NEGR1: variants seen among roughly 807,000 people sequenced by gnomAD.
The protein encoded by NEGR1 is neuronal growth regulator 1.
Under a neutral mutation model 40.9 loss-of-function variants are expected in NEGR1, and 10 were observed. The ratio of observed to expected loss-of-function variants is 0.24; its 90% confidence interval spans 0.15 to 0.42. The LOEUF (loss-of-function observed/expected upper bound fraction) is 0.42, where lower values mean the gene tolerates loss of function less well. Among genes scored for constraint, NEGR1 ranks in the 10% least tolerant of loss-of-function variants. NEGR1 has a pLI of 1.00. For missense variants in NEGR1, 352 were observed against 438.9 expected, an observed-to-expected ratio of 0.80 and a Z score of 1.77; for synonymous variants, 185 against 166.8, an observed-to-expected ratio of 1.11 and a Z score of -0.84.
At chr1:72,238,286 G>C (rs79644940) in intron 1 of NEGR1, among the ~76,000 whole-genome samples, 5,499 of 151,872 alleles carry the variant, frequency 0.036, 328 homozygotes, top group African/African-American at 0.13. Context: ...TAGAAGGAGA[G>C]ATAGGAATAT....
chr1:71,958,710 C>T (rs1039322454), intron 1 of NEGR1, among the ~76,000 whole-genome samples: 5 of 152,090 alleles, frequency 3.3e-5, no homozygotes, highest in African/African-American at 1.2e-4. Flanking sequence ...AATCCCAGCA[C>T]TGGGAGGCTT....
chr1:71,525,035 T>C (rs1344215176), intron 6 of NEGR1, among the ~76,000 whole-genome samples: 1 of 151,794 alleles, frequency 6.6e-6, no homozygotes, highest in African/African-American at 2.4e-5. Context: ...CCTCCAAAAC[T>C]ATAAGATAAT....
rs1164369435 is a variant in NEGR1, at chr1:72,058,701, C to CTTACCT, written c.177-123391_177-123390insAGGTAA. Among the ~76,000 whole-genome samples, 4 of 151,778 alleles carry CTTACCT rather than the reference C, an allele frequency of 2.6e-5. No individual in the cohort carries two copies. In the East Asian group the frequency reaches 7.8e-4, roughly 29 times the overall value. On this transcript the variant is annotated intron_variant, in intron 1 of 6. Transcript: ENST00000357731. ...TCATTTATGCAAGGTAAGCTTTACA[C>CTTACCT]TGTACTGCCATTGCCTATTTATCGC...
At chr1:71,499,491 A>G (rs1218355860) in intron 6 of NEGR1, among the ~76,000 whole-genome samples, 3 of 148,078 alleles carry the variant, frequency 2.0e-5, no homozygotes, top group Admixed American at 6.8e-5. Flanking sequence ...ATATGTATAT[A>G]TAATTGTATA....
intron 3 of NEGR1, among the ~76,000 whole-genome samples, chr1:71,712,618 T>A (rs866993906): frequency 6.6e-6 from 1 of 152,162 alleles, no homozygotes; most frequent in Admixed American, 6.5e-5. Context: ...TCATAAAAAA[T>A]TATGTGAGGA....
chr1:72,174,300 T>A (rs1275625796), intron 1 of NEGR1, among the ~76,000 whole-genome samples: 1 of 152,150 alleles, frequency 6.6e-6, no homozygotes, highest in Non-Finnish European at 1.5e-5. Flanking sequence ...ACCAGAGTGG[T>A]GCATTTGCTA....
chr1:71,843,908 T>G (rs1182820550), intron 2 of NEGR1, among the ~76,000 whole-genome samples: 1 of 152,108 alleles, frequency 6.6e-6, no homozygotes, highest in Non-Finnish European at 1.5e-5. Context: ...AGTTCAAAAT[T>G]TGTGGACATG....
intron 1 of NEGR1, among the ~76,000 whole-genome samples, chr1:71,986,477 T>C (rs1341273044): frequency 2.0e-5 from 3 of 152,206 alleles, no homozygotes; most frequent in Admixed American, 6.5e-5. Context: ...CAACCCCTTC[T>C]ACAACTATTC....
intron 1 of NEGR1, among the ~76,000 whole-genome samples, chr1:72,202,612 A>G (rs937684510): frequency 2.6e-5 from 4 of 152,060 alleles, no homozygotes; most frequent in African/African-American, 9.7e-5. Flanking sequence ...AGCCAACCAC[A>G]GCATTCCCTT....
At chr1:71,993,788 T>C (rs1389914830) in intron 1 of NEGR1, among the ~76,000 whole-genome samples, 1 of 152,218 alleles carries the variant, frequency 6.6e-6, no homozygotes, top group East Asian at 1.9e-4. Context: ...CTCCAAGTCA[T>C]GCAGTTATCA....
chr1:71,763,088 A>G (rs1656000754), intron 3 of NEGR1, among the ~76,000 whole-genome samples: 1 of 152,216 alleles, frequency 6.6e-6, no homozygotes, highest in Admixed American at 6.5e-5. Flanking sequence ...AAATAATACA[A>G]GAAAGATCTT....
At chr1:71,637,880 C>T (rs1651211167) in intron 4 of NEGR1, among the ~76,000 whole-genome samples, 1 of 151,960 alleles carries the variant, frequency 6.6e-6, no homozygotes, top group African/African-American at 2.4e-5. Context: ...CCTATCTGAA[C>T]ACCAGCAATG....
At chr1:71,752,307 G>T (rs1031731892) in intron 3 of NEGR1, among the ~76,000 whole-genome samples, 2 of 152,132 alleles carry the variant, frequency 1.3e-5, no homozygotes, top group African/African-American at 4.8e-5. Flanking sequence ...CCACGTGAAA[G>T]AAGTCATAGA....
chr1:71,824,276 CT>C (rs531554223), intron 2 of NEGR1, among the ~76,000 whole-genome samples: 1 of 151,546 alleles, frequency 6.6e-6, no homozygotes, highest in African/African-American at 2.4e-5. Context: ...TTCTCAAACA[CT>C]TTTTTTATTG....
chr1:72,150,971 C>G (rs1174368073), intron 1 of NEGR1, among the ~76,000 whole-genome samples: 3 of 151,640 alleles, frequency 2.0e-5, no homozygotes, highest in Non-Finnish European at 4.4e-5. Context: ...ACTCCTTTAG[C>G]AATTGTTATT....
intron 4 of NEGR1, among the ~76,000 whole-genome samples, chr1:71,616,403 C>T (rs1485412652): frequency 2.0e-5 from 3 of 152,152 alleles, no homozygotes; most frequent in Non-Finnish European, 4.4e-5. Context: ...CAATCTAATG[C>T]CTGATGATCT....
intron 6 of NEGR1, among the ~76,000 whole-genome samples, chr1:71,523,060 A>G (rs944255503): frequency 3.3e-5 from 5 of 151,944 alleles, no homozygotes; most frequent in Admixed American, 6.6e-5. Context: ...TAAATGAACA[A>G]AAGATGGTTG....
chr1:71,816,063 T>C (rs1162252420), intron 2 of NEGR1, among the ~76,000 whole-genome samples: 1 of 152,108 alleles, frequency 6.6e-6, no homozygotes, highest in African/African-American at 2.4e-5. Context: ...TTATCCCAAA[T>C]ATCCCTTGTC....
Position 71,701,046 on chromosome 1 carries a change from C to A in NEGR1, c.536-2907G>T, listed in dbSNP as rs1001327848. 2.0e-5 allele frequency among the ~76,000 whole-genome samples: 3 copies of A among 152,046 alleles called. No homozygotes were observed. The South Asian group carries it at 6.2e-4, about 31-fold the overall frequency. ...AAAAAAAATTAATTATCCTTTATAA[C>A]CTCCAAAAAGGGACACAGCCTATCA... On this transcript the variant is annotated intron_variant, in intron 3 of 6. Coordinates refer to ENST00000357731, the MANE Select transcript of NEGR1 (RefSeq NM_173808.3).
Sources: gnomAD v4.1 joint callset for allele counts (sites outside exome capture counted in the v4.1 genomes callset) on GRCh38, gnomAD v4.1.1 for gene constraint, MANE v1.5 for transcripts, NCBI Gene and HGNC (gene_info 2026-07-23, HGNC 2026-07-21) for gene names.